The following CD1B variants were observed in gnomAD, a reference collection of about 807,000 sequenced individuals.
CD1B encodes the protein CD1b molecule.
CD1B carries 43 observed loss-of-function variants against 39.8 expected under a neutral mutation model. The ratio of observed to expected loss-of-function variants is 1.08; its 90% CI spans 0.85 to 1.39. CD1B has a LOEUF of 1.39. Ranked by LOEUF, CD1B falls within the 40% of genes most tolerant of loss-of-function variation. The pLI, the probability that CD1B is intolerant of heterozygous loss-of-function variation, is 0.00. For synonymous variants in CD1B, 192 were observed against 152.5 expected (o/e 1.26, Z -1.91); for missense variants, 495 against 403.8 (o/e 1.23, Z -1.94).
chr1:158,292,286 G>T, the CD1B span: 6 of 1,614,086 alleles, frequency 3.7e-6, no homozygotes, highest in Admixed American at 1.7e-5. Flanking sequence ...CAGAAACAGT[G>T]TATAATCTCA....
chr1:158,295,287 G>T, the CD1B span, among the ~76,000 whole-genome samples: 2 of 151,938 alleles, frequency 1.3e-5, no homozygotes, highest in East Asian at 3.9e-4. Flanking sequence ...GGCTGAAGGG[G>T]GGAAGAAGCT....
At chr1:158,317,273 C>G in the CD1B span, among the ~76,000 whole-genome samples, 17,793 of 152,004 alleles carry the variant, frequency 0.12, 1,344 homozygotes, top group East Asian at 0.38. Context: ...TAGAATTCGG[C>G]TGTGAATCCA....
chr1:158,299,525 C>G, the CD1B span, among the ~76,000 whole-genome samples: 1 of 152,188 alleles, frequency 6.6e-6, no homozygotes, highest in Non-Finnish European at 1.5e-5. Flanking sequence ...AGGATTCCCT[C>G]TTTTTCTATT....
chr1:158,288,053 G>GA, the CD1B span, among the ~76,000 whole-genome samples: 1 of 152,080 alleles, frequency 6.6e-6, no homozygotes, highest in Non-Finnish European at 1.5e-5. Context: ...TAGGAACATG[G>GA]AAAAAAATGT....
downstream of CD1B, among the ~76,000 whole-genome samples, chr1:158,325,067 A>T (rs1362751230): frequency 1.2e-4 from 19 of 152,090 alleles, no homozygotes; most frequent in Admixed American, 1.2e-3. Context: ...AAATAGAAAG[A>T]ATAACTATCT....
the CD1B span, chr1:158,292,329 C>G: frequency 2.5e-6 from 4 of 1,614,130 alleles, no homozygotes; most frequent in South Asian, 4.4e-5. Context: ...TCTCTTGGGT[C>G]TCCTGGATGC....
At position 158,329,442 on chromosome 1, in the gene CD1B, C is replaced by T. The variant is rs1217472028; in HGVS notation, c.814G>A (p.Gly272Arg). The T allele has an allele frequency of 1.2e-6, 2 of 1,614,074 alleles. No homozygotes were observed. Among genetic ancestry groups the T allele is most frequent in the African/African-American group, 1.3e-5 (1 of 74,922 alleles). ...YLRATLDVADGEAAGLSCRVK... is the reference protein window; with the variant it reads ...YLRATLDVADREAAGLSCRVK... ...CGACAGGACAGGCCAGCCGCCTCCC[C>T]ATCTGCCACATCCAGGGTTGCTCGG... The change falls in exon 4 of 6, where the codon GGG becomes AGG. Residue 272 changes from glycine (G) to arginine (R), a missense_variant. Physicochemically the swap from Gly to Arg is moderately radical, Grantham distance 125. Transcript: ENST00000368168.
chr1:158,325,015 G>C (rs1652304131), downstream of CD1B, among the ~76,000 whole-genome samples: 1 of 152,054 alleles, frequency 6.6e-6, no homozygotes. Flanking sequence ...CACTTGTGGA[G>C]AATGCCATAT....
chr1:158,302,426 A>C, the CD1B span, among the ~76,000 whole-genome samples: 1 of 152,174 alleles, frequency 6.6e-6, no homozygotes, highest in African/African-American at 2.4e-5. Context: ...GAAGACAAGA[A>C]ATAACCAAAA....
At chr1:158,320,328 C>G in the CD1B span, among the ~76,000 whole-genome samples, 1 of 152,198 alleles carries the variant, frequency 6.6e-6, no homozygotes, top group African/African-American at 2.4e-5. Flanking sequence ...GGCGTAGGAC[C>G]CTCCGAAGCA....
the CD1B span, among the ~76,000 whole-genome samples, chr1:158,320,150 G>A: frequency 1.3e-5 from 2 of 152,230 alleles, no homozygotes; most frequent in Non-Finnish European, 2.9e-5. Context: ...AGCCTACAGA[G>A]GCAGGCAGGC....
At chr1:158,318,764 G>A in the CD1B span, among the ~76,000 whole-genome samples, 1 of 152,094 alleles carries the variant, frequency 6.6e-6, no homozygotes, top group East Asian at 1.9e-4. Context: ...AGTCTTGATG[G>A]TCTTTACATT....
chr1:158,298,205 A>G, the CD1B span, among the ~76,000 whole-genome samples: 2 of 152,214 alleles, frequency 1.3e-5, no homozygotes, highest in Non-Finnish European at 2.9e-5. Context: ...GCTATCCTCA[A>G]TATATATGCA....
chr1:158,331,318 C>T (rs563387715), intron 1 of CD1B, 45 bp downstream of exon 1: 2 of 1,574,634 alleles, frequency 1.3e-6, no homozygotes, highest in Non-Finnish European at 1.7e-6. Flanking sequence ...TTTTTAAAAT[C>T]CAAACCCCTG....
At chr1:158,295,410 C>T in the CD1B span, among the ~76,000 whole-genome samples, 1 of 152,074 alleles carries the variant, frequency 6.6e-6, no homozygotes, top group Admixed American at 6.5e-5. Context: ...CCATGAACCT[C>T]TGGAATCCTA....
At chr1:158,288,416 C>T in the CD1B span, among the ~76,000 whole-genome samples, 322 of 152,300 alleles carry the variant, frequency 2.1e-3, 2 homozygotes, top group African/African-American at 7.6e-3. Context: ...TTTTAAGGCA[C>T]GGTCTTGCTC....
chr1:158,288,186 T>G, the CD1B span, among the ~76,000 whole-genome samples: 4 of 152,250 alleles, frequency 2.6e-5, no homozygotes, highest in African/African-American at 9.6e-5. Flanking sequence ...GGGTAGGATT[T>G]GAACTGGGTA....
At chr1:158,314,025 A>G in the CD1B span, among the ~76,000 whole-genome samples, 2 of 151,898 alleles carry the variant, frequency 1.3e-5, no homozygotes, top group Admixed American at 6.6e-5. Context: ...TTTTATATCT[A>G]TGATTTTATT....
At chr1:158,328,619 T>C (rs1286511991) in intron 5 of CD1B, among the ~76,000 whole-genome samples, 1 of 152,138 alleles carries the variant, frequency 6.6e-6, no homozygotes, top group Non-Finnish European at 1.5e-5. Context: ...TGCAGCGTAA[T>C]AGGAATAGAG....
Sources: gnomAD v4.1 joint callset for allele counts (sites outside exome capture counted in the v4.1 genomes callset) on GRCh38, gnomAD v4.1.1 for gene constraint, MANE v1.5 for transcripts, NCBI Gene and HGNC (gene_info 2026-07-23, HGNC 2026-07-21) for gene names.